The following DPYS variants were observed in gnomAD, a reference collection of about 807,000 sequenced individuals.
The protein encoded by DPYS is dihydropyrimidinase.
DPYS carries 39 observed loss-of-function variants against 50.3 expected under a neutral mutation model. The observed-to-expected ratio is 0.78, with a 90% CI of 0.60 to 1.01. The LOEUF (loss-of-function observed/expected upper bound fraction) is 1.01, where lower values mean the gene tolerates loss of function less well. Ranked by LOEUF, DPYS falls within the 50% of genes least tolerant of loss-of-function variation. The pLI is 0.00. For missense variants in DPYS, 659 were observed against 680.9 expected (o/e 0.97, Z 0.36); for synonymous variants, 245 against 250.7 (o/e 0.98, Z 0.22).
intron 4 of DPYS, among the ~76,000 whole-genome samples, chr8:104,440,322 C>G (rs1193197856): frequency 6.6e-6 from 1 of 151,480 alleles, no homozygotes. Flanking sequence ...CCGTGATTCT[C>G]AGGCTTTCAT....
At chr8:104,409,648 T>C (rs2140567747) in intron 7 of DPYS, among the ~76,000 whole-genome samples, 1 of 152,330 alleles carries the variant, frequency 6.6e-6, no homozygotes, top group East Asian at 1.9e-4. Flanking sequence ...AAAAGTCATT[T>C]ACTTTGGTAT....
intron 5 of DPYS, chr8:104,429,192 C>A: frequency 3.6e-6 from 1 of 276,538 alleles, no homozygotes; most frequent in Non-Finnish European, 7.1e-6. Context: ...CAGGGTTAAC[C>A]TAGTTCCCAT....
intron 1 of DPYS, among the ~76,000 whole-genome samples, chr8:104,455,084 T>C (rs1213153605): frequency 1.3e-5 from 2 of 152,158 alleles, no homozygotes; most frequent in Non-Finnish European, 1.5e-5. Context: ...GGCACATGTA[T>C]ACCTATGTAA....
At position 104,427,914 on chromosome 8, in the gene DPYS, T is replaced by C. The variant is rs575400389; in HGVS notation, c.1092+66A>G. On this transcript the variant is annotated intron_variant, in intron 6 of 9. Transcript: ENST00000351513. The stretch of plus-strand genomic sequence containing the variant: ...TCTATGAAAATTTGTGCCACTCTGG[T>C]CCTCAAATGGGCAGGATCCTGGCTG... The C allele has an allele frequency of 1.4e-5, 23 of 1,611,860 alleles. No homozygotes were observed. In the East Asian group the frequency reaches 4.9e-4, roughly 34 times the overall value.
chr8:104,466,513 C>T (rs929713956), intron 1 of DPYS, 144 bp downstream of exon 1: 10 of 979,420 alleles, frequency 1.0e-5, no homozygotes, highest in Non-Finnish European at 1.4e-5. Flanking sequence ...CTCTGACACC[C>T]GCCGGGGCTG....
intron 7 of DPYS, among the ~76,000 whole-genome samples, chr8:104,398,028 C>T (rs757161118): frequency 1.2e-4 from 19 of 152,342 alleles, no homozygotes; most frequent in South Asian, 6.2e-4. Flanking sequence ...TTGGAACAAA[C>T]GCAAGTTCAG....
intron 4 of DPYS, among the ~76,000 whole-genome samples, chr8:104,440,332 T>C (rs1488924613): frequency 6.6e-6 from 1 of 152,138 alleles, no homozygotes; most frequent in Non-Finnish European, 1.5e-5. Flanking sequence ...CAGGCTTTCA[T>C]ATGCATATGA....
At chr8:104,440,053 T>A (rs192930444) in intron 4 of DPYS, among the ~76,000 whole-genome samples, 107 of 152,226 alleles carry the variant, frequency 7.0e-4, no homozygotes, top group African/African-American at 2.5e-3. Context: ...GACAATTTTT[T>A]AAAAGACAAT....
At chr8:104,420,665 A>C (rs1812510254) in intron 7 of DPYS, 1 of 151,388 alleles carries the variant, frequency 6.6e-6, no homozygotes, top group South Asian at 2.1e-4. Context: ...AGGCTCAATC[A>C]ATTCAATATA....
chr8:104,459,223 G>A (rs1056449058), intron 1 of DPYS, among the ~76,000 whole-genome samples: 20 of 152,342 alleles, frequency 1.3e-4, no homozygotes, highest in African/African-American at 4.8e-4. Context: ...ACAGCCAGGT[G>A]ATGCAGGCCA....
chr8:104,414,689 A>G (rs1180207309), intron 7 of DPYS, among the ~76,000 whole-genome samples: 1 of 152,170 alleles, frequency 6.6e-6, no homozygotes, highest in Non-Finnish European at 1.5e-5. Context: ...TTGCTGTACA[A>G]TAAGCATATA....
chr8:104,408,092 C>T (rs1485204847), intron 7 of DPYS, among the ~76,000 whole-genome samples: 2 of 152,224 alleles, frequency 1.3e-5, no homozygotes, highest in African/African-American at 4.8e-5. Flanking sequence ...GCTGGGGATA[C>T]AGCAGTGAAC....
At chr8:104,406,830 C>T (rs375315193) in intron 7 of DPYS, among the ~76,000 whole-genome samples, 12 of 152,204 alleles carry the variant, frequency 7.9e-5, no homozygotes, top group African/African-American at 2.9e-4. Flanking sequence ...TATAAACACA[C>T]ACACACACAT....
In DPYS at chr8:104,464,234, G is replaced by A. The variant is rs1261522484; in HGVS notation, c.264+2423C>T. On this transcript the variant is annotated intron_variant, in intron 1 of 9. Coordinates refer to ENST00000351513, the MANE Select transcript of DPYS (RefSeq NM_001385.3). The stretch of plus-strand genomic sequence containing the variant: ...TTGAGATGTTGACAACAGACTATAC[G>A]CCATAAGGACCTACATTCTCAGTTA... Among the ~76,000 whole-genome samples, 6 of 152,270 alleles carry A rather than the reference G, an allele frequency of 3.9e-5. No individual in the cohort carries two copies. The East Asian group carries it at 7.7e-4, about 20-fold the overall frequency.
At chr8:104,456,806 T>C (rs965273852) in intron 1 of DPYS, among the ~76,000 whole-genome samples, 4 of 152,226 alleles carry the variant, frequency 2.6e-5, no homozygotes, top group East Asian at 1.9e-4. Flanking sequence ...TTCCAGTTTA[T>C]CTAAAAAACT....
chr8:104,394,233 G>A (rs779219994), intron 7 of DPYS, among the ~76,000 whole-genome samples: 1 of 152,114 alleles, frequency 6.6e-6, no homozygotes, highest in Non-Finnish European at 1.5e-5. Flanking sequence ...TATTTGGAAG[G>A]GCTGATGAGG....
chr8:104,393,633 T>G (rs533502076), intron 7 of DPYS, among the ~76,000 whole-genome samples: 2 of 152,354 alleles, frequency 1.3e-5, no homozygotes, highest in South Asian at 4.1e-4. Context: ...ACATTTGTCA[T>G]CATTCTCAGT....
rs57562204 is a variant in DPYS, at chr8:104,399,866, CAAAAAAAAAAAA to C, written c.1236-6887_1236-6876del. On this transcript the variant is annotated intron_variant, in intron 7 of 9. Coordinates refer to ENST00000351513, the MANE Select transcript of DPYS (RefSeq NM_001385.3). ...CCTGGGAGACAGCAAGACTCCGTCTCAAAAAAAAAAAAAAAAAAAAAAAAGAAAGAAACTACT... is the reference window on the plus strand; with the variant it reads ...CCTGGGAGACAGCAAGACTCCGTCTCAAAAAAAAAAAAGAAAGAAACTACT... 2.9e-4 allele frequency among the ~76,000 whole-genome samples: 15 copies of C among 52,520 alleles called. No individual in the cohort carries two copies. In the South Asian group the frequency reaches 0.018, roughly 61 times the overall value. 34.5% of individuals were successfully genotyped at this position (52,520 alleles called of 152,430 possible). A position where few individuals can be genotyped will look rare whatever the true frequency, so the allele number is the denominator to read the frequency against.
At chr8:104,426,715 T>C (rs1812735013) in intron 6 of DPYS, among the ~76,000 whole-genome samples, 1 of 152,230 alleles carries the variant, frequency 6.6e-6, no homozygotes, top group African/African-American at 2.4e-5. Flanking sequence ...TCCCCTCTGC[T>C]AGTCTTCACA....
Sources: allele counts gnomAD v4.1 joint callset (sites outside exome capture counted in the v4.1 genomes callset), GRCh38; gene constraint gnomAD v4.1.1; transcripts MANE v1.5; gene names NCBI Gene and HGNC (gene_info 2026-07-23, HGNC 2026-07-21).